TDP1: variants seen among roughly 807,000 people sequenced by gnomAD.
The protein encoded by TDP1 is tyrosyl-DNA phosphodiesterase 1, also known as tyr-DNA phosphodiesterase 1.
A neutral mutation model predicts 81.5 loss-of-function variants in TDP1; 64 were observed. The observed-to-expected ratio is 0.79, with a 90% confidence interval of 0.64 to 0.97. TDP1 has a LOEUF of 0.97. Among genes scored for constraint, TDP1 ranks in the 50% least tolerant of loss-of-function variants. The pLI, the probability that TDP1 is intolerant of heterozygous loss-of-function variation, is 0.00. For synonymous variants in TDP1, 256 were observed against 264.3 expected (o/e 0.97, Z 0.30); for missense variants, 723 against 743.8 (o/e 0.97, Z 0.33).
intron 16 of TDP1, among the ~76,000 whole-genome samples, chr14:90,038,299 A>G (rs1056446427): frequency 2.0e-5 from 3 of 152,252 alleles, no homozygotes; most frequent in African/African-American, 7.2e-5. Flanking sequence ...TAGATTTAGC[A>G]TATACATAAT....
Position 90,013,919 on chromosome 14 carries a change from T to C in TDP1, c.1542-5397T>C, listed in dbSNP as rs1233972589. Reference sequence around the variant, plus strand: ...ACTTGTTCCCCCTTGCCTTCTGCCATGATTGTGAAGCCTCCCTAGCCATGT... The same window carrying C: ...ACTTGTTCCCCCTTGCCTTCTGCCACGATTGTGAAGCCTCCCTAGCCATGT... On this transcript the variant is annotated intron_variant, in intron 14 of 16. Transcript: ENST00000335725. 2.0e-5 allele frequency among the ~76,000 whole-genome samples: 3 copies of C among 152,214 alleles called. No homozygotes were observed. In the East Asian group the frequency reaches 5.8e-4, roughly 29 times the overall value.
rs377361550 is a variant in TDP1, at chr14:89,987,902, G to T, written c.1132-1003G>T. The stretch of plus-strand genomic sequence containing the variant: ...TTTTTTTTAAAGAAATATGGGGGTA[G>T]CCTCAGATCCCATAGATTGAGGGCT... On this transcript the variant is annotated intron_variant, in intron 10 of 16. Transcript: ENST00000335725. Among the ~76,000 whole-genome samples the T allele has an allele frequency of 1.6e-4, 25 of 152,202 alleles. No homozygotes were observed. In the South Asian group the frequency reaches 2.1e-3, roughly 13 times the overall value.
chr14:90,005,611 A>G (rs775935964), intron 14 of TDP1, among the ~76,000 whole-genome samples: 1 of 152,234 alleles, frequency 6.6e-6, no homozygotes, highest in South Asian at 2.1e-4. Flanking sequence ...TTAAGTCCTT[A>G]TTATAAGTGA....
At chr14:90,030,204 C>CGTGTCTTCCCTGTCCCCCTCCTCT in intron 15 of TDP1, among the ~76,000 whole-genome samples, 1 of 152,124 alleles carries the variant, frequency 6.6e-6, no homozygotes, top group East Asian at 1.9e-4. Context: ...GCCTGCCCTC[C>CGTGTCTTCCCTGTCCCCCTCCTCT]GTGTCTTCCC....
intron 15 of TDP1, among the ~76,000 whole-genome samples, chr14:90,027,597 A>T (rs1361173963): frequency 1.3e-5 from 2 of 152,166 alleles, no homozygotes; most frequent in Non-Finnish European, 2.9e-5. Flanking sequence ...GTAACTTGGT[A>T]AGAGAATATG....
intron 16 of TDP1, among the ~76,000 whole-genome samples, chr14:90,034,757 A>G (rs1033518865): frequency 6.6e-6 from 1 of 151,726 alleles, no homozygotes; most frequent in African/African-American, 2.4e-5. Context: ...CAGAGAAAAG[A>G]TTTTTTTTTC....
chr14:89,958,790 C>G (rs1266362533), intron 2 of TDP1, among the ~76,000 whole-genome samples: 1 of 152,164 alleles, frequency 6.6e-6, no homozygotes, highest in Non-Finnish European at 1.5e-5. Flanking sequence ...TCACTGGGGC[C>G]CTGCCCCTAT....
intron 14 of TDP1, among the ~76,000 whole-genome samples, chr14:89,997,741 C>T (rs575966848): frequency 5.9e-5 from 9 of 152,234 alleles, no homozygotes; most frequent in South Asian, 2.1e-4. Context: ...CAAGCCATCC[C>T]TCCTGGGTTG....
intron 6 of TDP1, among the ~76,000 whole-genome samples, chr14:89,973,373 T>C (rs571331449): frequency 2.0e-5 from 3 of 152,306 alleles, no homozygotes; most frequent in African/African-American, 7.2e-5. Flanking sequence ...CTGTGCTCGT[T>C]TAGGAGAGTG....
intron 11 of TDP1, 159 bp downstream of exon 11, chr14:89,989,249 C>G: frequency 1.1e-6 from 1 of 943,382 alleles, no homozygotes. Flanking sequence ...AGTACATTAG[C>G]ATCGTCATTT....
At chr14:89,991,871 C>A in intron 12 of TDP1, 46 bp from the exon 13 acceptor site, 1 of 1,546,112 alleles carries the variant, frequency 6.5e-7, no homozygotes, top group African/African-American at 1.4e-5. Context: ...GAGGGATCCT[C>A]AAATTATATT....
intron 14 of TDP1, among the ~76,000 whole-genome samples, chr14:89,999,463 G>T (rs565300922): frequency 6.6e-6 from 1 of 152,196 alleles, no homozygotes; most frequent in East Asian, 1.9e-4. Flanking sequence ...TTTAGCCAAA[G>T]GTAAATACAT....
intron 15 of TDP1, among the ~76,000 whole-genome samples, chr14:90,022,135 C>A (rs1886158551): frequency 6.6e-6 from 1 of 152,202 alleles, no homozygotes; most frequent in African/African-American, 2.4e-5. Flanking sequence ...GTCAGATGGC[C>A]ACCTGATACA....
chr14:90,005,314 G>T (rs575735386), intron 14 of TDP1, among the ~76,000 whole-genome samples: 1 of 152,302 alleles, frequency 6.6e-6, no homozygotes, highest in South Asian at 2.1e-4. Context: ...ACAACAGTGG[G>T]CAGAGAGAGA....
At chr14:89,998,739 G>A (rs1896939784) in intron 14 of TDP1, among the ~76,000 whole-genome samples, 2 of 151,874 alleles carry the variant, frequency 1.3e-5, no homozygotes, top group African/African-American at 2.4e-5. Flanking sequence ...GCTGAGGGAC[G>A]CGGGGTGGGG....
chr14:89,991,218 A>G (rs1383123969), intron 12 of TDP1, among the ~76,000 whole-genome samples: 2 of 152,186 alleles, frequency 1.3e-5, no homozygotes, highest in Non-Finnish European at 2.9e-5. Flanking sequence ...CCAGGATTCT[A>G]ACACTTCAGA....
At chr14:90,030,183 C>T (rs916367322) in intron 15 of TDP1, among the ~76,000 whole-genome samples, 17 of 152,186 alleles carry the variant, frequency 1.1e-4, no homozygotes, top group South Asian at 8.3e-4. Context: ...CAGGTGCTGC[C>T]GAGCTGGCCT....
Position 89,966,189 on chromosome 14 carries a change from A to G in TDP1, c.602A>G (p.Gln201Arg). Residue 201 changes from glutamine (Q) to arginine (R), a missense_variant and splice_region_variant, in exon 4 of 17, where the codon CAG (glutamine) becomes CGG (arginine). Gln to Arg is a conservative substitution (Grantham distance 43, BLOSUM62 1). Transcript: ENST00000335725. ...TTTGGGACGCTTGTTTCTTCAGCTC[A>G]GGTGAGTATACCTTTAAGCTGTTTT... ...PLFGTLVSSA[Q>R]FNYCFDVDWL... 6.3e-7 allele frequency: 1 copy of G among 1,597,578 alleles called. No individual in the cohort carries two copies. The highest frequency in any genetic ancestry group is 8.6e-7 in the Non-Finnish European group (1 of 1,165,196).
At chr14:90,034,840 C>CA (rs976698828) in intron 16 of TDP1, among the ~76,000 whole-genome samples, 1 of 152,216 alleles carries the variant, frequency 6.6e-6, no homozygotes, top group Non-Finnish European at 1.5e-5. Flanking sequence ...TGGCCTTGCC[C>CA]AGTGGTTCCT....
Sources: allele counts gnomAD v4.1 joint callset (sites outside exome capture counted in the v4.1 genomes callset), GRCh38; gene constraint gnomAD v4.1.1; transcripts MANE v1.5; gene names NCBI Gene and HGNC (gene_info 2026-07-23, HGNC 2026-07-21).